MYO16: variants seen among roughly 807,000 people sequenced by gnomAD.
MYO16 encodes myosin XVI.
MYO16 carries 94 observed loss-of-function variants against 205.3 expected under a neutral mutation model. That is an observed-to-expected ratio of 0.46 (90% confidence interval 0.39 to 0.54). MYO16 has a LOEUF of 0.54. Ranked by LOEUF, MYO16 falls within the 20% of genes least tolerant of loss-of-function variation. The probability of loss-of-function intolerance (pLI) is 0.00; values close to 1 mark genes in which losing one functional copy is unlikely to be tolerated. For synonymous variants in MYO16, 988 were observed against 954.0 expected (o/e 1.04, Z -0.66); for missense variants, 2,315 against 2,387.5 (o/e 0.97, Z 0.63).
At chr13:108,625,432 T>C (rs1190312988), upstream of MYO16, among the ~76,000 whole-genome samples, 1 of 152,214 alleles carries the variant, frequency 6.6e-6, no homozygotes, top group Non-Finnish European at 1.5e-5. Context: ...AGTGTATTTA[T>C]GCCTTATTTT....
chr13:108,811,301 G>A (rs1248513170), intron 7 of MYO16, among the ~76,000 whole-genome samples: 1 of 151,342 alleles, frequency 6.6e-6, no homozygotes, highest in Non-Finnish European at 1.5e-5. Flanking sequence ...TCTTTGCTTT[G>A]GGGAAAACAG....
intron 2 of MYO16, among the ~76,000 whole-genome samples, chr13:108,671,318 C>A (rs1348825167): frequency 6.6e-6 from 1 of 152,176 alleles, no homozygotes; most frequent in Non-Finnish European, 1.5e-5. Context: ...GTTTTGCATG[C>A]TTTCTCTGTG....
At chr13:108,518,328 T>C in the MYO16 span, among the ~76,000 whole-genome samples, 5 of 152,278 alleles carry the variant, frequency 3.3e-5, no homozygotes, top group African/African-American at 9.6e-5. Flanking sequence ...ATTCTAATAA[T>C]TCCAAGAAAA....
intron 16 of MYO16, among the ~76,000 whole-genome samples, chr13:108,920,242 C>A (rs1210176103): frequency 1.3e-5 from 2 of 152,164 alleles, no homozygotes; most frequent in African/African-American, 4.8e-5. Flanking sequence ...TCTGAATTCG[C>A]TTCCAAAATA....
intron 32 of MYO16, among the ~76,000 whole-genome samples, chr13:109,160,137 C>T (rs1317836597): frequency 6.6e-6 from 1 of 152,182 alleles, no homozygotes; most frequent in African/African-American, 2.4e-5. Flanking sequence ...CACCCCATCG[C>T]CCGGTTGTGA....
chr13:108,525,761 C>T, the MYO16 span, among the ~76,000 whole-genome samples: 3 of 152,126 alleles, frequency 2.0e-5, no homozygotes, highest in Non-Finnish European at 4.4e-5. Context: ...TCACGAGAAT[C>T]CTAAAAATAA....
the MYO16 span, among the ~76,000 whole-genome samples, chr13:108,517,443 T>A: frequency 6.6e-6 from 1 of 152,220 alleles, no homozygotes; most frequent in African/African-American, 2.4e-5. Context: ...TTGTACGCCC[T>A]GCTGGTGAAT....
At chr13:109,088,773 T>A (rs1475104613) in intron 27 of MYO16, among the ~76,000 whole-genome samples, 1 of 152,156 alleles carries the variant, frequency 6.6e-6, no homozygotes, top group Non-Finnish European at 1.5e-5. Context: ...ACACAGCGCC[T>A]TTAGACAGAA....
At chr13:109,071,566 C>A (rs1887926822) in intron 27 of MYO16, among the ~76,000 whole-genome samples, 1 of 152,136 alleles carries the variant, frequency 6.6e-6, no homozygotes, top group Non-Finnish European at 1.5e-5. Context: ...ATGTGGCATT[C>A]ATCAAAATTA....
At chr13:108,625,883 G>A (rs1400647944), upstream of MYO16, among the ~76,000 whole-genome samples, 2 of 152,196 alleles carry the variant, frequency 1.3e-5, no homozygotes, top group African/African-American at 4.8e-5. Flanking sequence ...GGCACTATTA[G>A]ATTAGGAATT....
At chr13:108,536,994 G>A in the MYO16 span, among the ~76,000 whole-genome samples, 1 of 152,048 alleles carries the variant, frequency 6.6e-6, no homozygotes. Context: ...TATAGATGAA[G>A]GAGTGCACAT....
chr13:109,097,404 C>T (rs1053605081), intron 27 of MYO16, among the ~76,000 whole-genome samples: 3 of 152,136 alleles, frequency 2.0e-5, no homozygotes, highest in Non-Finnish European at 4.4e-5. Context: ...ATGCACTGCC[C>T]TTTGCACAGC....
At position 109,162,860 on chromosome 13, in the gene MYO16, A is replaced by G. The variant is rs1309089804; in HGVS notation, c.5165-2041A>G. On this transcript the variant is annotated intron_variant, in intron 32 of 34. Transcript: ENST00000457511. This position sits in a 1 kb window ranked among gnomAD's most constrained non-coding sequence, Gnocchi z 4.6. ...CGGAAGCTTAACAGAAATAAAAAAA[A>G]GCCAAACTAGAGTTGACCACATTGA... Among the ~76,000 whole-genome samples, 3 of 152,228 alleles carry G rather than the reference A, an allele frequency of 2.0e-5. No individual in the cohort carries two copies. The highest frequency in any genetic ancestry group is 4.4e-5 in the Non-Finnish European group (3 of 68,030).
intron 7 of MYO16, among the ~76,000 whole-genome samples, chr13:108,818,792 C>T (rs1352903815): frequency 6.6e-6 from 1 of 152,080 alleles, no homozygotes; most frequent in Non-Finnish European, 1.5e-5. Flanking sequence ...GAAACTTAGG[C>T]AAAACTGGCA....
At chr13:109,159,071 A>AT (rs1878228681) in intron 32 of MYO16, among the ~76,000 whole-genome samples, 1 of 152,224 alleles carries the variant, frequency 6.6e-6, no homozygotes, top group Non-Finnish European at 1.5e-5. Context: ...ATTTTAAAAA[A>AT]CTATGTATGG....
intron 34 of MYO16, among the ~76,000 whole-genome samples, chr13:109,199,195 TATATATATATATATATATATATATATATA>T: frequency 3.1e-4 from 1 of 3,210 alleles, no homozygotes; most frequent in African/African-American, 6.0e-4. Context: ...AAAAAAGGTA[TATATATATATATATATATATATATATATA>T]TATATATATA....
At chr13:108,614,658 G>T (rs1381016501) in intron 1 of MYO16, among the ~76,000 whole-genome samples, 1 of 151,966 alleles carries the variant, frequency 6.6e-6, no homozygotes. Flanking sequence ...TAAGAGTCCA[G>T]AAATAAACAC....
chr13:108,997,566 C>T (rs1193630881), intron 21 of MYO16, among the ~76,000 whole-genome samples: 2 of 152,082 alleles, frequency 1.3e-5, no homozygotes, highest in Non-Finnish European at 2.9e-5. Flanking sequence ...AGGCCGGGCC[C>T]AGTGGCTCAC....
At chr13:108,834,984 ATATTG>A (rs1450648673) in intron 9 of MYO16, among the ~76,000 whole-genome samples, 1 of 152,148 alleles carries the variant, frequency 6.6e-6, no homozygotes, top group African/African-American at 2.4e-5. Flanking sequence ...GAAATGTAAA[ATATTG>A]TATGCCATCA....
Sources: allele counts gnomAD v4.1 joint callset (sites outside exome capture counted in the v4.1 genomes callset), GRCh38; gene constraint gnomAD v4.1.1; non-coding constraint Gnocchi (gnomAD v3.1); transcripts MANE v1.5; gene names NCBI Gene and HGNC (gene_info 2026-07-23, HGNC 2026-07-21).